Variants in KLF8 observed in about 807,000 individuals in gnomAD.
KLF8 encodes the protein KLF transcription factor 8.
Under a neutral mutation model 18.2 loss-of-function variants are expected in KLF8, and 10 were observed. The observed-to-expected ratio is 0.55, with a 90% CI of 0.34 to 0.93. The LOEUF (loss-of-function observed/expected upper bound fraction) is 0.93. KLF8 is among the 40% of genes least tolerant of loss of function. The probability of loss-of-function intolerance (pLI) is 0.02; values close to 1 mark genes in which losing one functional copy is unlikely to be tolerated. For synonymous variants in KLF8, 109 were observed against 97.3 expected (o/e 1.12, Z -0.71); for missense variants, 264 against 277.9 (o/e 0.95, Z 0.36).
chrX:56,284,224 C>T (rs2067241564), intron 5 of KLF8, 89 bp from the exon 6 acceptor site: 1 of 733,774 alleles, frequency 1.4e-6, no homozygotes, highest in Non-Finnish European at 1.9e-6. Flanking sequence ...TTCACTAAAG[C>T]CTTGATACGA....
the KLF8 span, among the ~76,000 whole-genome samples, chrX:55,979,232 A>G: frequency 8.9e-6 from 1 of 111,955 alleles, no homozygotes; most frequent in Admixed American, 9.5e-5. Context: ...TAAATTGCAT[A>G]CTGTTTGGAG....
chrX:56,226,164 G>A, the KLF8 span, among the ~76,000 whole-genome samples: 1 of 111,972 alleles, frequency 8.9e-6, no homozygotes, highest in African/African-American at 3.2e-5. Context: ...GGAGGAGGGG[G>A]CAAGGTTGCT....
At chrX:56,248,594 G>A (rs893840642) in intron 1 of KLF8, among the ~76,000 whole-genome samples, 1 of 111,570 alleles carries the variant, frequency 9.0e-6, no homozygotes, top group Non-Finnish European at 1.9e-5. Flanking sequence ...GCCTGTTGAA[G>A]GTGTTGTGTG....
chrX:56,055,199 C>T, the KLF8 span, among the ~76,000 whole-genome samples: 14 of 111,881 alleles, frequency 1.3e-4, no homozygotes, highest in African/African-American at 2.9e-4. Flanking sequence ...AGTATGTTTT[C>T]GTAGTGGCTG....
At chrX:55,976,066 G>A in the KLF8 span, among the ~76,000 whole-genome samples, 4 of 111,746 alleles carry the variant, frequency 3.6e-5, no homozygotes, top group Non-Finnish European at 5.6e-5. Context: ...CTGAGATCAC[G>A]CCATTGCACT....
chrX:56,270,888 A>C (rs1188190231), intron 5 of KLF8, among the ~76,000 whole-genome samples: 1 of 111,804 alleles, frequency 8.9e-6, no homozygotes, highest in East Asian at 2.8e-4. Context: ...ACCTGATCTG[A>C]AGAAGGAGAG....
the KLF8 span, among the ~76,000 whole-genome samples, chrX:56,219,897 A>G: frequency 8.9e-6 from 1 of 112,027 alleles, no homozygotes; most frequent in South Asian, 3.7e-4. Flanking sequence ...AACTCTGAAC[A>G]TTGGGGGGCA....
At chrX:56,089,646 A>T in the KLF8 span, among the ~76,000 whole-genome samples, 1 of 112,453 alleles carries the variant, frequency 8.9e-6, no homozygotes, top group South Asian at 3.7e-4. Flanking sequence ...AGACAGGTGA[A>T]TACAGAGAAC....
chrX:55,943,142 G>A, the KLF8 span, among the ~76,000 whole-genome samples: 5 of 111,109 alleles, frequency 4.5e-5, no homozygotes. Flanking sequence ...GAGTGACAGA[G>A]CAGTTGGTGG....
chrX:56,067,757 A>C, the KLF8 span, among the ~76,000 whole-genome samples: 10 of 112,128 alleles, frequency 8.9e-5, no homozygotes, highest in Non-Finnish European at 1.9e-4. Flanking sequence ...CTACACTTCT[A>C]AGACTGAGGC....
chrX:55,993,592 G>C, the KLF8 span, among the ~76,000 whole-genome samples: 5 of 111,812 alleles, frequency 4.5e-5, no homozygotes, highest in East Asian at 1.4e-3. Flanking sequence ...GTGAAGTTTT[G>C]GTATCCCAAT....
intron 1 of KLF8, chrX:56,242,895 G>A: frequency 2.5e-6 from 1 of 400,840 alleles, no homozygotes; most frequent in Non-Finnish European, 4.6e-6. Flanking sequence ...CTTTCTGCTG[G>A]AAAGATACAC....
chrX:56,231,502 ATAT>A (rs1733779661), upstream of KLF8, among the ~76,000 whole-genome samples: 1 of 111,442 alleles, frequency 9.0e-6, no homozygotes, highest in Non-Finnish European at 1.9e-5. Context: ...TACATGGCAG[ATAT>A]TATTATTTCT....
upstream of KLF8, among the ~76,000 whole-genome samples, chrX:56,228,930 A>T (rs1170512049): frequency 2.7e-5 from 3 of 111,409 alleles, no homozygotes; most frequent in Non-Finnish European, 5.7e-5. Context: ...CTGTTTGTAT[A>T]TTGCTTGACT....
chrX:56,173,598 A>G, the KLF8 span, among the ~76,000 whole-genome samples: 1 of 111,889 alleles, frequency 8.9e-6, no homozygotes, highest in Non-Finnish European at 1.9e-5. Flanking sequence ...TTTTGGTTCC[A>G]TATGAACTTT....
the KLF8 span, among the ~76,000 whole-genome samples, chrX:55,976,724 T>A: frequency 9.0e-6 from 1 of 111,609 alleles, no homozygotes; most frequent in East Asian, 2.8e-4. Context: ...TTAGATTGAG[T>A]TGTACTGACA....
chrX:56,048,588 C>A, the KLF8 span, among the ~76,000 whole-genome samples: 2 of 111,534 alleles, frequency 1.8e-5, no homozygotes, highest in Admixed American at 1.9e-4. Flanking sequence ...AGATGTGCGG[C>A]ATTATTTATG....
At chrX:56,099,699 G>A in the KLF8 span, among the ~76,000 whole-genome samples, 332 of 111,773 alleles carry the variant, frequency 3.0e-3, no homozygotes, top group African/African-American at 0.01. Context: ...TTGTCTGCAC[G>A]GAAGATCAAA....
chrX:56,122,273 T>C, the KLF8 span, among the ~76,000 whole-genome samples: 1 of 111,699 alleles, frequency 9.0e-6, no homozygotes, highest in Non-Finnish European at 1.9e-5. Context: ...GTGAAAAAGT[T>C]TGGGAATGTG....
Sources: allele counts gnomAD v4.1 joint callset (sites outside exome capture counted in the v4.1 genomes callset), GRCh38; gene constraint gnomAD v4.1.1; transcripts MANE v1.5; gene names NCBI Gene and HGNC (gene_info 2026-07-23, HGNC 2026-07-21).